The following MYOM2 variants were observed in gnomAD, a reference collection of about 807,000 sequenced individuals.
MYOM2 encodes myomesin 2, also known as myomesin-2.
Under a neutral mutation model 187.6 loss-of-function variants are expected in MYOM2, and 254 were observed. The ratio of observed to expected loss-of-function variants is 1.35; its 90% confidence interval spans 1.22 to 1.50. MYOM2 has a LOEUF of 1.50. Ranked by LOEUF, MYOM2 falls within the 40% of genes most tolerant of loss-of-function variation. The pLI is 0.00. For missense variants in MYOM2, 2,796 were observed against 1,924.0 expected, an observed-to-expected ratio of 1.45 and a Z score of -8.48; for synonymous variants, 981 against 753.8, an observed-to-expected ratio of 1.30 and a Z score of -4.94.
intron 3 of MYOM2, 90 bp downstream of exon 3, chr8:2,052,403 C>A: frequency 7.3e-7 from 1 of 1,370,310 alleles, no homozygotes; most frequent in Non-Finnish European, 9.6e-7. Context: ...GCGACCTTAG[C>A]TGAGAGGGAA....
At chr8:2,100,735 T>G in intron 19 of MYOM2, 141 bp from the exon 20 acceptor site, 1 of 789,910 alleles carries the variant, frequency 1.3e-6, no homozygotes, top group Non-Finnish European at 2.0e-6. Flanking sequence ...GAGAGGCTGA[T>G]AAACATCAGA....
At chr8:2,137,501 A>G (rs5029669) in intron 32 of MYOM2, among the ~76,000 whole-genome samples, 26,412 of 151,676 alleles carry the variant, frequency 0.17, 4,522 homozygotes, top group African/African-American at 0.43. Flanking sequence ...TTCAGGCTGG[A>G]ATCCTGTCCC....
chr8:2,100,931 G>A lies in MYOM2; in HGVS notation c.2496G>A (p.Leu832=). Residue 832 remains leucine, a synonymous_variant, in exon 20 of 37, where the codon CTG becomes CTA. Coordinates refer to ENST00000262113, the MANE Select transcript of MYOM2 (RefSeq NM_003970.4). ...CEVRDTSLVM[L]WKAPVYSGSS... ...TCAGGGACACGTCCTTGGTCATGCTGTGGAAGGCCCCTGTGTACTCCGGCA... is the reference window on the plus strand; with the variant it reads ...TCAGGGACACGTCCTTGGTCATGCTATGGAAGGCCCCTGTGTACTCCGGCA... 1 of 1,614,214 alleles carries A rather than the reference G, an allele frequency of 6.2e-7. No individual in the cohort carries two copies. Among genetic ancestry groups the A allele is most frequent in the African/African-American group, 1.3e-5 (1 of 75,048 alleles).
chr8:2,052,351 CGTGGGGTCACA>C, intron 3 of MYOM2, 38 bp downstream of exon 3: 1 of 1,559,304 alleles, frequency 6.4e-7, no homozygotes, highest in Non-Finnish European at 8.7e-7. Flanking sequence ...TTGTGCCCTG[CGTGGGGTCACA>C]GTGGAGGGAC....
chr8:2,078,632 G>T (rs1456554533), intron 11 of MYOM2, 102 bp from the exon 12 acceptor site: 1 of 1,050,502 alleles, frequency 9.5e-7, no homozygotes, highest in Non-Finnish European at 1.4e-6. Flanking sequence ...GTGAGATATT[G>T]TCCTGTTATA....
intron 13 of MYOM2, chr8:2,081,703 G>A (rs1819634661): frequency 6.5e-6 from 1 of 153,696 alleles, no homozygotes; most frequent in Admixed American, 6.4e-5. Flanking sequence ...TGCCTTTTTG[G>A]AGAGAGTCTA....
chr8:2,114,961 G>C (rs1374785633), intron 25 of MYOM2, among the ~76,000 whole-genome samples: 1 of 151,988 alleles, frequency 6.6e-6, no homozygotes, highest in Non-Finnish European at 1.5e-5. Flanking sequence ...AACATATATT[G>C]GCAAAGACCA....
At chr8:2,081,983 A>C (rs1338038272) in intron 13 of MYOM2, 1 of 152,232 alleles carries the variant, frequency 6.6e-6, no homozygotes, top group African/African-American at 2.4e-5. Flanking sequence ...TGAATGTGGC[A>C]GGATTTATTC....
intron 19 of MYOM2, among the ~76,000 whole-genome samples, 187 bp downstream of exon 19, chr8:2,099,170 T>C (rs1368213320): frequency 6.6e-6 from 1 of 152,176 alleles, no homozygotes; most frequent in Non-Finnish European, 1.5e-5. Flanking sequence ...AGCATCTAGT[T>C]TGGGCTGTGC....
intron 1 of MYOM2, among the ~76,000 whole-genome samples, chr8:2,046,671 T>C (rs1310161565): frequency 6.6e-6 from 1 of 151,898 alleles, no homozygotes; most frequent in Non-Finnish European, 1.5e-5. Flanking sequence ...AGCCTCCCAA[T>C]GCGCCTGAGC....
At chr8:2,141,037 A>G (rs1382148002) in intron 33 of MYOM2, 104 bp from the exon 34 acceptor site, 4 of 1,334,266 alleles carry the variant, frequency 3.0e-6, no homozygotes, top group Non-Finnish European at 4.1e-6. Flanking sequence ...TTCTTTTTTT[A>G]TATATCAGTT....
chr8:2,100,820 G>C, intron 19 of MYOM2, 56 bp from the exon 20 acceptor site: 1 of 1,586,524 alleles, frequency 6.3e-7, no homozygotes, highest in Non-Finnish European at 8.6e-7. Flanking sequence ...GGGTTGGGCG[G>C]TGGGTGTGCT....
In MYOM2 at chr8:2,057,274, C is replaced by T. The variant is rs541546118; in HGVS notation, c.264-74C>T. The T allele has an allele frequency of 4.4e-4, 665 of 1,522,786 alleles. 1 individual carries two copies. The highest frequency in any genetic ancestry group is 5.5e-4 in the Admixed American group (25 of 45,470). 94.3% of individuals were successfully genotyped at this position (1,522,786 alleles called of 1,614,324 possible). On this transcript the variant is annotated intron_variant, in intron 3 of 36. Coordinates refer to ENST00000262113, the MANE Select transcript of MYOM2 (RefSeq NM_003970.4). ...AACCCTAGGGAGAGAATGGGCATGC[C>T]CTTTCCGGCCTTCGGGGGCCACGTG...
chr8:2,134,459 C>G (rs1797995755), intron 32 of MYOM2, among the ~76,000 whole-genome samples: 1 of 152,086 alleles, frequency 6.6e-6, no homozygotes, highest in Non-Finnish European at 1.5e-5. Flanking sequence ...TTATTTTTCT[C>G]TTGGTAATTA....
chr8:2,053,822 A>G (rs1390100833), intron 3 of MYOM2, among the ~76,000 whole-genome samples: 1 of 152,164 alleles, frequency 6.6e-6, no homozygotes, highest in Non-Finnish European at 1.5e-5. Flanking sequence ...CATGCTCTCC[A>G]TGAGATTTTC....
rs370260409 is a variant in MYOM2, at chr8:2,141,202, A to G, written c.4001+25A>G. 3.4e-5 allele frequency: 55 copies of G among 1,608,298 alleles called. No homozygotes were observed. In the African/African-American group the frequency reaches 5.3e-4, roughly 16 times the overall value. ...AGTAAGATTTGTGTATTTAGTTACT[A>G]TGATATCCTGTGGGCAGTTGAGTCC... On this transcript the variant is annotated intron_variant, in intron 34 of 36. Coordinates refer to ENST00000262113, the MANE Select transcript of MYOM2 (RefSeq NM_003970.4).
At chr8:2,138,441 G>A (rs780429207) in intron 32 of MYOM2, among the ~76,000 whole-genome samples, 22 of 152,180 alleles carry the variant, frequency 1.4e-4, no homozygotes, top group Non-Finnish European at 2.8e-4. Flanking sequence ...TTCCAGATGC[G>A]GGACTGAGAG....
chr8:2,141,327 T>G, intron 34 of MYOM2, 150 bp downstream of exon 34: 1 of 602,336 alleles, frequency 1.7e-6, no homozygotes, highest in Non-Finnish European at 2.9e-6. Context: ...CAATGCAGTA[T>G]ATGGAGGGGT....
chr8:2,080,773 G>A (rs919335569), intron 13 of MYOM2, among the ~76,000 whole-genome samples: 2 of 152,286 alleles, frequency 1.3e-5, no homozygotes, highest in Non-Finnish European at 2.9e-5. Flanking sequence ...AAGAAGGCCT[G>A]CTTGAGGCCG....
Sources: gnomAD v4.1 joint callset for allele counts (sites outside exome capture counted in the v4.1 genomes callset) on GRCh38, gnomAD v4.1.1 for gene constraint, MANE v1.5 for transcripts, NCBI Gene and HGNC (gene_info 2026-07-23, HGNC 2026-07-21) for gene names.